IL15: variants seen among roughly 807,000 people sequenced by gnomAD.
The protein encoded by IL15 is interleukin-15.
In IL15, 11 loss-of-function variants were observed where a neutral mutation model predicts 19.6. That is an observed-to-expected ratio of 0.56 (90% CI 0.35 to 0.93). The LOEUF is 0.93. IL15 is among the 40% of genes least tolerant of loss of function. The pLI is 0.01. For missense variants in IL15, 197 were observed against 186.5 expected (o/e 1.06, Z -0.33); for synonymous variants, 58 against 59.6 (o/e 0.97, Z 0.12).
chr4:141,638,630 C>T (rs962154430), intron 1 of IL15, among the ~76,000 whole-genome samples: 1 of 152,146 alleles, frequency 6.6e-6, no homozygotes, highest in Non-Finnish European at 1.5e-5. Context: ...TATTGCAAGG[C>T]ACAATGTTTA....
chr4:141,671,606 A>T (rs2152167590), intron 2 of IL15, among the ~76,000 whole-genome samples: 1 of 152,202 alleles, frequency 6.6e-6, no homozygotes, highest in Admixed American at 6.5e-5. Flanking sequence ...CTGTTGTGTG[A>T]GCCGCTTTCA....
intron 2 of IL15, among the ~76,000 whole-genome samples, chr4:141,686,230 G>T (rs1560918784): frequency 6.6e-6 from 1 of 151,868 alleles, no homozygotes; most frequent in Non-Finnish European, 1.5e-5. Flanking sequence ...CATAGGCAGT[G>T]GTTGCAGTAA....
At chr4:141,730,615 G>A (rs1024603444) in intron 7 of IL15, among the ~76,000 whole-genome samples, 1 of 152,092 alleles carries the variant, frequency 6.6e-6, no homozygotes, top group African/African-American at 2.4e-5. Flanking sequence ...AAATATTAAT[G>A]ATTCGAGTAT....
chr4:141,638,135 G>C (rs992397124), intron 1 of IL15, among the ~76,000 whole-genome samples: 1 of 152,094 alleles, frequency 6.6e-6, no homozygotes, highest in African/African-American at 2.4e-5. Flanking sequence ...TGTTGTTTTC[G>C]TGTGAAGTAA....
intron 2 of IL15, among the ~76,000 whole-genome samples, chr4:141,662,358 G>A (rs1479250814): frequency 6.6e-6 from 1 of 152,202 alleles, no homozygotes; most frequent in Non-Finnish European, 1.5e-5. Context: ...GATTTTAGAA[G>A]ACTATAGATT....
At chr4:141,656,848 G>C (rs919956406) in intron 2 of IL15, among the ~76,000 whole-genome samples, 9 of 152,148 alleles carry the variant, frequency 5.9e-5, no homozygotes, top group Admixed American at 5.9e-4. Context: ...TTTATGTAAG[G>C]ATATTAGAAG....
At chr4:141,727,568 G>T (rs1006281354) in intron 5 of IL15, among the ~76,000 whole-genome samples, 6 of 152,132 alleles carry the variant, frequency 3.9e-5, no homozygotes, top group African/African-American at 1.4e-4. Flanking sequence ...AAACTATTTT[G>T]TGTCTTAACT....
intron 2 of IL15, among the ~76,000 whole-genome samples, chr4:141,703,042 C>T (rs991604826): frequency 3.9e-5 from 6 of 152,094 alleles, no homozygotes; most frequent in South Asian, 4.2e-4. Context: ...GGGGAGTAGC[C>T]GGCAGCAGTA....
chr4:141,730,438 C>T (rs935809728), intron 7 of IL15, among the ~76,000 whole-genome samples: 28 of 152,004 alleles, frequency 1.8e-4, no homozygotes, highest in Non-Finnish European at 4.4e-5. Context: ...AGATAGTTAT[C>T]TTTATTTCTG....
At chr4:141,675,001 A>G (rs915682596) in intron 2 of IL15, among the ~76,000 whole-genome samples, 2 of 152,214 alleles carry the variant, frequency 1.3e-5, no homozygotes, top group Non-Finnish European at 2.9e-5. Context: ...TGGCAGCTGG[A>G]AAGAATTCAT....
At chr4:141,725,357 A>G (rs780337193) in intron 5 of IL15, among the ~76,000 whole-genome samples, 8 of 152,154 alleles carry the variant, frequency 5.3e-5, no homozygotes. Context: ...GGCAGGTCCT[A>G]CTGCAATATG....
chr4:141,720,706 T>TA (rs1471411968), intron 4 of IL15, 140 bp downstream of exon 4: 12 of 668,402 alleles, frequency 1.8e-5, no homozygotes, highest in Non-Finnish European at 3.2e-5. Context: ...GAAGGCAGAC[T>TA]ACAGAGATTT....
At chr4:141,711,102 T>A (rs1463926552) in intron 2 of IL15, among the ~76,000 whole-genome samples, 1 of 152,162 alleles carries the variant, frequency 6.6e-6, no homozygotes, top group South Asian at 2.1e-4. Flanking sequence ...TTCATGAGTG[T>A]ATAGTGTCAT....
intron 6 of IL15, among the ~76,000 whole-genome samples, chr4:141,728,189 CA>C (rs1401939097): frequency 6.6e-6 from 1 of 151,822 alleles, no homozygotes; most frequent in Admixed American, 6.6e-5. Flanking sequence ...GTAATGGTGC[CA>C]AATCAAAATA....
chr4:141,704,297 A>G (rs1053177800), intron 2 of IL15, among the ~76,000 whole-genome samples: 4 of 152,102 alleles, frequency 2.6e-5, no homozygotes, highest in Admixed American at 1.3e-4. Flanking sequence ...GCATATTATC[A>G]TCTGGATTTT....
intron 2 of IL15, among the ~76,000 whole-genome samples, chr4:141,666,345 A>G (rs1036732347): frequency 6.6e-6 from 1 of 151,394 alleles, no homozygotes; most frequent in Non-Finnish European, 1.5e-5. Context: ...ATCGCTCCCC[A>G]CCTTTTAATT....
intron 1 of IL15, among the ~76,000 whole-genome samples, chr4:141,639,514 A>C (rs1209276250): frequency 1.3e-5 from 2 of 152,228 alleles, no homozygotes; most frequent in African/African-American, 4.8e-5. Context: ...GAGCCTGACA[A>C]ATAGTAGGCA....
chr4:141,686,494 C>T (rs2152174937), intron 2 of IL15, among the ~76,000 whole-genome samples: 1 of 152,260 alleles, frequency 6.6e-6, no homozygotes. Context: ...ACACTGCCTA[C>T]TCCTCTGTGA....
intron 2 of IL15, among the ~76,000 whole-genome samples, chr4:141,674,314 A>G (rs960555624): frequency 6.6e-6 from 1 of 152,188 alleles, no homozygotes; most frequent in Admixed American, 6.5e-5. Context: ...ATCTCACATG[A>G]GACTTAATTT....
Sources: gnomAD v4.1 joint callset for allele counts (sites outside exome capture counted in the v4.1 genomes callset) on GRCh38, gnomAD v4.1.1 for gene constraint, MANE v1.5 for transcripts, NCBI Gene and HGNC (gene_info 2026-07-23, HGNC 2026-07-21) for gene names.